The following CECR2 variants were observed in gnomAD, a reference collection of about 807,000 sequenced individuals.
The protein encoded by CECR2 is CECR2 histone acetyl-lysine reader.
A neutral mutation model predicts 154.5 loss-of-function variants in CECR2; 30 were observed. The ratio of observed to expected loss-of-function variants is 0.19; its 90% confidence interval spans 0.15 to 0.26. CECR2 has a LOEUF of 0.26. Among genes scored for constraint, CECR2 ranks in the 10% least tolerant of loss-of-function variants. The pLI, the probability that CECR2 is intolerant of heterozygous loss-of-function variation, is 1.00. For missense variants in CECR2, 1,743 were observed against 1,829.3 expected (o/e 0.95, Z 0.86); for synonymous variants, 725 against 683.7 (o/e 1.06, Z -0.94).
In CECR2 at chr22:17,423,833, A is replaced by C. The variant is rs570162250; in HGVS notation, c.127-53755A>C. ...CCTTGTGACGTCATCTCTTTGAGGA[A>C]TCTGAGAAGACTTGTTTCGTCTTCA... On this transcript the variant is annotated intron_variant, in intron 1 of 18. Transcript: ENST00000262608. Among the ~76,000 whole-genome samples, 3 of 152,256 alleles carry C rather than the reference A, an allele frequency of 2.0e-5. No individual in the cohort carries two copies. The East Asian group carries it at 5.8e-4, about 29-fold the overall frequency.
At chr22:17,508,031 TC>T (rs2055878022) in intron 7 of CECR2, among the ~76,000 whole-genome samples, 1 of 152,182 alleles carries the variant, frequency 6.6e-6, no homozygotes, top group Non-Finnish European at 1.5e-5. Context: ...GATATAGATA[TC>T]TTTGAACGCC....
At chr22:17,400,474 ACT>A in intron 1 of CECR2, among the ~76,000 whole-genome samples, 1 of 152,150 alleles carries the variant, frequency 6.6e-6, no homozygotes, top group East Asian at 1.9e-4. Context: ...ACACCTGCCA[ACT>A]CTCTTTATCC....
rs544978786 is a variant in CECR2, at chr22:17,382,836, C to T, written c.126+12927C>T. Among the ~76,000 whole-genome samples, 14 of 152,164 alleles carry T rather than the reference C, an allele frequency of 9.2e-5. No individual in the cohort carries two copies. In the East Asian group the frequency reaches 2.7e-3, roughly 29 times the overall value. ...GGGAGGATCGCTTGAGTCCAGGAGGCGGAGGTTGCAAGTCAAGTTTGCAAC... is the reference window on the plus strand; with the variant it reads ...GGGAGGATCGCTTGAGTCCAGGAGGTGGAGGTTGCAAGTCAAGTTTGCAAC... On this transcript the variant is annotated intron_variant, in intron 1 of 18. Transcript: ENST00000262608.
At chr22:17,531,013 T>A (rs146463721) in intron 9 of CECR2, among the ~76,000 whole-genome samples, 7 of 152,256 alleles carry the variant, frequency 4.6e-5, no homozygotes, top group African/African-American at 1.7e-4. Context: ...CTTACACACT[T>A]AATGCTACTG....
chr22:17,420,502 T>C (rs1432217148), intron 1 of CECR2, among the ~76,000 whole-genome samples: 1 of 152,198 alleles, frequency 6.6e-6, no homozygotes, highest in Non-Finnish European at 1.5e-5. Flanking sequence ...TCATTCAATT[T>C]TGTTTAAAAC....
chr22:17,538,240 G>T (rs2147013469), intron 10 of CECR2, among the ~76,000 whole-genome samples: 1 of 152,238 alleles, frequency 6.6e-6, no homozygotes, highest in South Asian at 2.1e-4. Flanking sequence ...TAAAGAATGT[G>T]CAATTAAATA....
intron 1 of CECR2, among the ~76,000 whole-genome samples, chr22:17,392,525 G>A (rs1339930272): frequency 6.6e-6 from 1 of 151,988 alleles, no homozygotes; most frequent in Non-Finnish European, 1.5e-5. Context: ...CAGGCATGGT[G>A]TTGCATACCT....
intron 1 of CECR2, among the ~76,000 whole-genome samples, chr22:17,435,708 A>C (rs774861103): frequency 0.067 from 9,766 of 144,794 alleles, 730 homozygotes; most frequent in African/African-American, 0.2. Context: ...AAAAAAAAAA[A>C]AACAGGAGCA....
chr22:17,518,576 C>T, intron 8 of CECR2: 1 of 324,936 alleles, frequency 3.1e-6, no homozygotes, highest in Non-Finnish European at 6.1e-6. Flanking sequence ...TGTCTTCCTT[C>T]CATTGCAGCT....
intron 2 of CECR2, among the ~76,000 whole-genome samples, chr22:17,495,535 C>T (rs2055607242): frequency 6.7e-6 from 1 of 148,634 alleles, no homozygotes; most frequent in South Asian, 2.1e-4. Context: ...CGCCATTGTA[C>T]TCCAGCCTGG....
chr22:17,428,412 C>G (rs992839111), intron 1 of CECR2: 6 of 152,032 alleles, frequency 3.9e-5, no homozygotes, highest in Non-Finnish European at 8.8e-5. Flanking sequence ...TTAGTACCTT[C>G]AGAGTGCACA....
At chr22:17,519,004 A>G (rs2056109198) in intron 8 of CECR2, 1 of 192,176 alleles carries the variant, frequency 5.2e-6, no homozygotes, top group South Asian at 1.2e-4. Flanking sequence ...ATCAGAGAGA[A>G]CTTCTCAAGA....
At chr22:17,456,134 T>C (rs2054850681) in intron 1 of CECR2, among the ~76,000 whole-genome samples, 1 of 152,088 alleles carries the variant, frequency 6.6e-6, no homozygotes, top group South Asian at 2.1e-4. Context: ...TCAATTATTA[T>C]TATTATTATT....
chr22:17,542,050 T>C, intron 15 of CECR2, 83 bp downstream of exon 15: 1 of 1,572,608 alleles, frequency 6.4e-7, no homozygotes. Flanking sequence ...AGGTTAAATG[T>C]TGTTCATTGC....
intron 1 of CECR2, among the ~76,000 whole-genome samples, chr22:17,415,759 T>C (rs1407778080): frequency 6.6e-6 from 1 of 152,252 alleles, no homozygotes; most frequent in Non-Finnish European, 1.5e-5. Context: ...AAATTGGAAC[T>C]TTAAAATGTT....
At chr22:17,414,580 T>C (rs183355080) in intron 1 of CECR2, among the ~76,000 whole-genome samples, 1 of 151,828 alleles carries the variant, frequency 6.6e-6, no homozygotes, top group African/African-American at 2.4e-5. Flanking sequence ...GTTTGTTACA[T>C]ATGTATACGT....
intron 1 of CECR2, among the ~76,000 whole-genome samples, chr22:17,466,007 C>CTTTA (rs146588629): frequency 3.2e-4 from 48 of 152,058 alleles, no homozygotes; most frequent in African/African-American, 1.0e-3. Flanking sequence ...CCCCCCGCTC[C>CTTTA]TTTATTTATT....
chr22:17,496,430 G>A (rs1465904681), intron 2 of CECR2, among the ~76,000 whole-genome samples: 3 of 152,008 alleles, frequency 2.0e-5, no homozygotes, highest in African/African-American at 4.8e-5. Flanking sequence ...AACCCGGGAG[G>A]TGGAGCTTGC....
chr22:17,424,866 A>C (rs5747122), intron 1 of CECR2: 10,235 of 152,294 alleles, frequency 0.067, 933 homozygotes, highest in East Asian at 0.36. Context: ...GGTTACTTCT[A>C]AAGCCATGTT....
Sources: allele counts gnomAD v4.1 joint callset (sites outside exome capture counted in the v4.1 genomes callset), GRCh38; gene constraint gnomAD v4.1.1; transcripts MANE v1.5; gene names NCBI Gene and HGNC (gene_info 2026-07-23, HGNC 2026-07-21).